The following CNTN5 variants were observed in gnomAD, a reference collection of about 807,000 sequenced individuals.
CNTN5 encodes the protein contactin-5.
CNTN5 carries 77 observed loss-of-function variants against 129.1 expected under a neutral mutation model. The ratio of observed to expected loss-of-function variants is 0.60; its 90% CI spans 0.50 to 0.72. The LOEUF is 0.72. Ranked by LOEUF, CNTN5 falls within the 30% of genes least tolerant of loss-of-function variation. The pLI is 0.00. For missense variants in CNTN5, 1,478 were observed against 1,328.8 expected (o/e 1.11, Z -1.75); for synonymous variants, 509 against 465.6 (o/e 1.09, Z -1.20).
At chr11:99,862,119 A>T (rs1229958982) in intron 6 of CNTN5, among the ~76,000 whole-genome samples, 2 of 152,184 alleles carry the variant, frequency 1.3e-5, no homozygotes, top group Non-Finnish European at 2.9e-5. Flanking sequence ...TTTAAATACA[A>T]AACATACAAA....
At chr11:99,552,618 G>T (rs762563866) in intron 2 of CNTN5, among the ~76,000 whole-genome samples, 11 of 152,100 alleles carry the variant, frequency 7.2e-5, no homozygotes, top group Non-Finnish European at 1.0e-4. Flanking sequence ...TGTTGGAGAG[G>T]CCTAGGCAGA....
chr11:100,028,948 T>A (rs944594071), intron 9 of CNTN5, among the ~76,000 whole-genome samples: 104 of 152,226 alleles, frequency 6.8e-4, no homozygotes, highest in Non-Finnish European at 9.6e-4. Context: ...CTGTTAATAC[T>A]TAAAATATTT....
chr11:99,826,745 C>A (rs117518442), intron 4 of CNTN5, among the ~76,000 whole-genome samples: 1 of 152,276 alleles, frequency 6.6e-6, no homozygotes, highest in East Asian at 1.9e-4. Context: ...TATAAATAGG[C>A]TTCTTATTAA....
rs192000332 is a variant in CNTN5, at chr11:100,048,426, T to A, written c.981-12786T>A. Among the ~76,000 whole-genome samples, 587 of 152,236 alleles carry A rather than the reference T, an allele frequency of 3.9e-3. 4 individuals carry two copies. Among genetic ancestry groups the A allele is most frequent in the Non-Finnish European group, 5.1e-3 (344 of 68,024 alleles). On this transcript the variant is annotated intron_variant, in intron 9 of 24. Coordinates refer to ENST00000524871, the MANE Select transcript of CNTN5 (RefSeq NM_014361.4). ...CTATAATTGTGTGAGCCAATTCCCA[T>A]AATAAATACATATATGTATAAATCT...
chr11:99,872,774 A>G (rs1461036916), intron 6 of CNTN5, among the ~76,000 whole-genome samples: 1 of 152,190 alleles, frequency 6.6e-6, no homozygotes, highest in East Asian at 1.9e-4. Flanking sequence ...GTTTCTCAAA[A>G]CATTTCATTT....
intron 3 of CNTN5, among the ~76,000 whole-genome samples, chr11:99,797,894 C>T (rs1039941634): frequency 1.3e-5 from 2 of 151,726 alleles, no homozygotes; most frequent in Non-Finnish European, 2.9e-5. Context: ...TAAATTGTAC[C>T]ACAATAAAAT....
intron 3 of CNTN5, among the ~76,000 whole-genome samples, chr11:99,690,743 G>C (rs1352520840): frequency 6.6e-6 from 1 of 152,010 alleles, no homozygotes. Context: ...TCTCTGCCAG[G>C]TTTGGATATT....
chr11:100,233,019 A>G (rs1048183623), intron 16 of CNTN5, among the ~76,000 whole-genome samples: 2 of 152,282 alleles, frequency 1.3e-5, no homozygotes, highest in East Asian at 3.9e-4. Context: ...GAGGTTTAAG[A>G]ATGTCACTTA....
intron 3 of CNTN5, among the ~76,000 whole-genome samples, chr11:99,763,864 A>T (rs1944666180): frequency 6.6e-6 from 1 of 152,064 alleles, no homozygotes; most frequent in Non-Finnish European, 1.5e-5. Context: ...ATTGAAAAAA[A>T]TTCTATGGGC....
intron 13 of CNTN5, among the ~76,000 whole-genome samples, chr11:100,172,794 A>G (rs1259711915): frequency 6.6e-6 from 1 of 152,116 alleles, no homozygotes; most frequent in Non-Finnish European, 1.5e-5. Flanking sequence ...AAAGGCAGAA[A>G]GAGGTTATGA....
chr11:100,073,128 C>G (rs966867187), intron 12 of CNTN5, among the ~76,000 whole-genome samples: 1 of 151,920 alleles, frequency 6.6e-6, no homozygotes, highest in Non-Finnish European at 1.5e-5. Context: ...CTCACTGCAA[C>G]CTCCGCCTCC....
At chr11:99,512,662 A>G (rs1946884293) in intron 2 of CNTN5, among the ~76,000 whole-genome samples, 1 of 152,030 alleles carries the variant, frequency 6.6e-6, no homozygotes, top group African/African-American at 2.4e-5. Context: ...TTTCATTATT[A>G]TTATGCCTGT....
chr11:99,251,916 A>G, intron 1 of CNTN5, among the ~76,000 whole-genome samples: 1 of 152,048 alleles, frequency 6.6e-6, no homozygotes, highest in East Asian at 1.9e-4. Context: ...ATATGGAATT[A>G]TTTTAGAAAA....
chr11:100,255,312 G>T (rs531797416), intron 16 of CNTN5, among the ~76,000 whole-genome samples: 15 of 152,006 alleles, frequency 9.9e-5, no homozygotes, highest in Non-Finnish European at 1.9e-4. Context: ...CTTGTACATT[G>T]TATGTTCTCT....
chr11:99,888,784 G>A (rs1462835022), intron 6 of CNTN5, among the ~76,000 whole-genome samples: 3 of 152,194 alleles, frequency 2.0e-5, no homozygotes, highest in Admixed American at 1.3e-4. Context: ...CCTGAGAGGT[G>A]AGGAATTACG....
chr11:99,167,531 C>T (rs1288137371), intron 1 of CNTN5, among the ~76,000 whole-genome samples: 1 of 151,960 alleles, frequency 6.6e-6, no homozygotes, highest in Non-Finnish European at 1.5e-5. Context: ...TGCTATGATA[C>T]TTGAGAGTTA....
intron 13 of CNTN5, among the ~76,000 whole-genome samples, chr11:100,166,076 T>C (rs1947624302): frequency 1.3e-5 from 2 of 151,768 alleles, no homozygotes; most frequent in African/African-American, 4.8e-5. Context: ...CAAGTCTCTG[T>C]TACCAGAAGC....
At chr11:100,105,578 T>G (rs1051861123) in intron 13 of CNTN5, among the ~76,000 whole-genome samples, 2 of 152,140 alleles carry the variant, frequency 1.3e-5, no homozygotes, top group African/African-American at 4.8e-5. Context: ...GAAGGACCCA[T>G]ACGGTAAGAT....
chr11:99,814,149 A>C (rs1946512524), intron 3 of CNTN5, among the ~76,000 whole-genome samples: 1 of 152,184 alleles, frequency 6.6e-6, no homozygotes, highest in African/African-American at 2.4e-5. Context: ...AACAGTGAAG[A>C]TGGAATGGAA....
Sources: gnomAD v4.1 joint callset for allele counts (sites outside exome capture counted in the v4.1 genomes callset) on GRCh38, gnomAD v4.1.1 for gene constraint, MANE v1.5 for transcripts, NCBI Gene and HGNC (gene_info 2026-07-23, HGNC 2026-07-21) for gene names.